JAKMIP2: variants seen among roughly 807,000 people sequenced by gnomAD.
JAKMIP2 encodes janus kinase and microtubule interacting protein 2, also known as janus kinase and microtubule-interacting protein 2.
JAKMIP2 carries 25 observed loss-of-function variants against 115.0 expected under a neutral mutation model. The ratio of observed to expected loss-of-function variants is 0.22; its 90% CI spans 0.16 to 0.30. The LOEUF (loss-of-function observed/expected upper bound fraction) is 0.30, where lower values mean the gene tolerates loss of function less well. Ranked by LOEUF, JAKMIP2 falls within the 10% of genes least tolerant of loss-of-function variation. JAKMIP2 has a pLI of 1.00. For missense variants in JAKMIP2, 642 were observed against 957.6 expected (o/e 0.67, Z 4.35); for synonymous variants, 334 against 343.6 (o/e 0.97, Z 0.31).
intron 17 of JAKMIP2, among the ~76,000 whole-genome samples, chr5:147,622,061 T>G (rs911755801): frequency 1.3e-5 from 2 of 152,180 alleles, no homozygotes; most frequent in African/African-American, 4.8e-5. Context: ...GAGATGGGGT[T>G]TCTCCATGTT....
At chr5:147,729,780 A>C (rs1753658952) in intron 1 of JAKMIP2, among the ~76,000 whole-genome samples, 1 of 152,022 alleles carries the variant, frequency 6.6e-6, no homozygotes, top group African/African-American at 2.4e-5. Flanking sequence ...TCTCAAAAAA[A>C]AAAAAAAAAA....
In JAKMIP2 at chr5:147,612,170, C is replaced by G. The variant is rs780853801; in HGVS notation, c.2412+136G>C. 7.9e-6 allele frequency: 6 copies of G among 759,392 alleles called. No individual in the cohort carries two copies. The East Asian group carries it at 1.2e-4, about 16-fold the overall frequency. The allele number at this position is 759,392 out of a possible 1,614,324, so 47.0% of individuals were successfully genotyped here. A position where few individuals can be genotyped will look rare whatever the true frequency, so the allele number is the denominator to read the frequency against. On this transcript the variant is annotated intron_variant, in intron 20 of 21. Transcript: ENST00000616793. ...CATTCTGTTTGACTGAAGGTGAAAG[C>G]TAGGTTTACTGTAACTATACCTGCC...
At chr5:147,753,442 T>C (rs1360891304) in intron 1 of JAKMIP2, among the ~76,000 whole-genome samples, 2 of 152,162 alleles carry the variant, frequency 1.3e-5, no homozygotes, top group Non-Finnish European at 2.9e-5. Flanking sequence ...AAGGGGACCA[T>C]GTACTGAATA....
At chr5:147,639,535 A>T in intron 10 of JAKMIP2, 97 bp downstream of exon 10, 1 of 1,386,402 alleles carries the variant, frequency 7.2e-7, no homozygotes, top group Non-Finnish European at 9.7e-7. Flanking sequence ...AGAAGAATAC[A>T]GGGAAAGCTG....
At chr5:147,670,988 T>C (rs960152290) in intron 2 of JAKMIP2, among the ~76,000 whole-genome samples, 2 of 152,036 alleles carry the variant, frequency 1.3e-5, no homozygotes, top group African/African-American at 4.8e-5. Context: ...TACCTGACAA[T>C]GGGGAAGTGT....
At chr5:147,664,549 T>C (rs192889825) in intron 2 of JAKMIP2, among the ~76,000 whole-genome samples, 1 of 152,296 alleles carries the variant, frequency 6.6e-6, no homozygotes, top group Admixed American at 6.5e-5. Context: ...GATCCTCACA[T>C]TCCTCATGGC....
chr5:147,673,431 A>G (rs1247293698), intron 1 of JAKMIP2, among the ~76,000 whole-genome samples: 2 of 152,148 alleles, frequency 1.3e-5, no homozygotes, highest in African/African-American at 4.8e-5. Context: ...CCTTGTATCT[A>G]GCACTGACAA....
chr5:147,679,355 T>G (rs944519990), intron 1 of JAKMIP2, among the ~76,000 whole-genome samples: 4 of 152,262 alleles, frequency 2.6e-5, no homozygotes, highest in African/African-American at 9.6e-5. Flanking sequence ...AGCCACGTGG[T>G]CAAGAAAATA....
rs554696220 is a variant in JAKMIP2 at position 147,594,451 on chromosome 5, C to T, written c.*21-2765G>A. ...TGGGGCTTAAGCCATCCTTGCACTT[C>T]AGCCTCCCAAGTAGCTGGTACTACA... On this transcript the variant is annotated intron_variant, in intron 21 of 21. Transcript: ENST00000616793. 1,092 of 455,398 alleles carry T rather than the reference C, an allele frequency of 2.4e-3. 2 individuals carry two copies. Among genetic ancestry groups the T allele is most frequent in the Non-Finnish European group, 3.5e-3 (796 of 226,442 alleles). The allele number at this position is 455,398 out of a possible 1,614,324, so 28.2% of individuals were successfully genotyped here. A position where few individuals can be genotyped will look rare whatever the true frequency, so the allele number is the denominator to read the frequency against.
At chr5:147,598,760 C>T (rs1755542373) in intron 21 of JAKMIP2, among the ~76,000 whole-genome samples, 1 of 152,144 alleles carries the variant, frequency 6.6e-6, no homozygotes, top group South Asian at 2.1e-4. Flanking sequence ...AAGTAGGAGT[C>T]TCTCCATTTT....
Position 147,653,324 on chromosome 5 carries a change from C to T in JAKMIP2, c.628-2777G>A, listed in dbSNP as rs145189776. 2.8e-3 allele frequency among the ~76,000 whole-genome samples: 423 copies of T among 152,224 alleles called. 1 individual carries two copies. Among genetic ancestry groups the T allele is most frequent in the Non-Finnish European group, 5.1e-3 (348 of 68,006 alleles). On this transcript the variant is annotated intron_variant, in intron 3 of 21. Coordinates refer to ENST00000616793, the MANE Select transcript of JAKMIP2 (RefSeq NM_001270941.2). ...TGGTTGGACCAATCTACATTCCCACCAACAGTGCAAAAAGTGTTCCTATTT... is the reference window on the plus strand; with the variant it reads ...TGGTTGGACCAATCTACATTCCCACTAACAGTGCAAAAAGTGTTCCTATTT...
chr5:147,697,892 A>G (rs1752168778), intron 1 of JAKMIP2, among the ~76,000 whole-genome samples: 1 of 152,248 alleles, frequency 6.6e-6, no homozygotes, highest in African/African-American at 2.4e-5. Flanking sequence ...TGGAGACTTG[A>G]CACAGAGTCA....
intron 1 of JAKMIP2, among the ~76,000 whole-genome samples, chr5:147,741,986 A>G (rs1209770560): frequency 4.0e-5 from 6 of 151,880 alleles, no homozygotes; most frequent in African/African-American, 1.2e-4. Flanking sequence ...ACTCTATATT[A>G]AACGACAAAA....
chr5:147,774,961 T>C (rs953746293), intron 1 of JAKMIP2, among the ~76,000 whole-genome samples: 15 of 152,152 alleles, frequency 9.9e-5, no homozygotes, highest in Non-Finnish European at 1.9e-4. Flanking sequence ...GGCCACATAG[T>C]GTCAGCTAAA....
intron 1 of JAKMIP2, among the ~76,000 whole-genome samples, chr5:147,690,794 G>A (rs542560005): frequency 6.6e-6 from 1 of 151,954 alleles, no homozygotes; most frequent in African/African-American, 2.4e-5. Flanking sequence ...ATTGCATGAC[G>A]CATACTGTGT....
chr5:147,623,224 C>CTTTTTTTTTTTTT (rs199676287), intron 17 of JAKMIP2, among the ~76,000 whole-genome samples: 14 of 138,726 alleles, frequency 1.0e-4, no homozygotes, highest in African/African-American at 3.4e-4. Flanking sequence ...TTGTTCTACT[C>CTTTTTTTTTTTTT]TTTTTTTTTT....
chr5:147,636,422 C>A lies in JAKMIP2; in HGVS notation c.1615-138G>T, dbSNP rs576816316. The A allele has an allele frequency of 6.3e-6, 4 of 632,432 alleles. No homozygotes were observed. In the Admixed American group the frequency reaches 9.0e-5, roughly 14 times the overall value. 39.2% of individuals were successfully genotyped at this position (632,432 alleles called of 1,614,324 possible). ...CAAAGACTGGTAAGTAGCACCCACC[C>A]CTGCCAGCTCCTTCAAAGAAATTGG... On this transcript the variant is annotated intron_variant, in intron 11 of 21. Transcript: ENST00000616793.
At chr5:147,753,233 T>C (rs1054008674) in intron 1 of JAKMIP2, among the ~76,000 whole-genome samples, 3 of 152,168 alleles carry the variant, frequency 2.0e-5, no homozygotes, top group African/African-American at 7.2e-5. Context: ...AGTAACCGGT[T>C]ACTGAGAACT....
chr5:147,777,399 C>G (rs538923001), intron 1 of JAKMIP2, among the ~76,000 whole-genome samples: 8 of 152,184 alleles, frequency 5.3e-5, no homozygotes, highest in African/African-American at 1.9e-4. Flanking sequence ...TAGATGGCCA[C>G]TATACATAAA....
Sources: allele counts gnomAD v4.1 joint callset (sites outside exome capture counted in the v4.1 genomes callset), GRCh38; gene constraint gnomAD v4.1.1; transcripts MANE v1.5; gene names NCBI Gene and HGNC (gene_info 2026-07-23, HGNC 2026-07-21).